Variants in FAM110B observed in about 807,000 individuals in gnomAD.
FAM110B encodes the protein protein FAM110B.
FAM110B carries 6 observed loss-of-function variants against 20.4 expected under a neutral mutation model. The observed-to-expected ratio is 0.29, with a 90% CI of 0.16 to 0.58. The LOEUF (loss-of-function observed/expected upper bound fraction) is 0.58. FAM110B is among the 20% of genes least tolerant of loss of function. FAM110B has a pLI of 0.90. For synonymous variants in FAM110B, 226 were observed against 214.1 expected (o/e 1.06, Z -0.49); for missense variants, 434 against 498.2 (o/e 0.87, Z 1.23).
intron 3 of FAM110B, among the ~76,000 whole-genome samples, chr8:58,118,469 G>GA (rs2150625103): frequency 6.6e-6 from 1 of 152,274 alleles, no homozygotes; most frequent in African/African-American, 2.4e-5. Context: ...TTGGGTCTGG[G>GA]TGCTTACCGG....
chr8:58,058,063 A>T (rs1239922580), intron 2 of FAM110B, among the ~76,000 whole-genome samples: 2 of 152,110 alleles, frequency 1.3e-5, no homozygotes, highest in Non-Finnish European at 2.9e-5. Context: ...TGGCTTTATT[A>T]TTGTTTTTTA....
At chr8:58,055,330 T>C (rs947310997) in intron 2 of FAM110B, among the ~76,000 whole-genome samples, 2 of 152,234 alleles carry the variant, frequency 1.3e-5, no homozygotes, top group Non-Finnish European at 2.9e-5. Flanking sequence ...GCTGAGGATC[T>C]GGTTTTAGCA....
intron 3 of FAM110B, among the ~76,000 whole-genome samples, chr8:58,122,525 C>A (rs1911506): frequency 9.2e-5 from 14 of 152,036 alleles, no homozygotes; most frequent in Non-Finnish European, 1.6e-4. Context: ...ATTTTACTTT[C>A]TAGGACACTT....
intron 3 of FAM110B, among the ~76,000 whole-genome samples, chr8:58,145,575 G>A (rs1803843362): frequency 6.6e-6 from 1 of 152,226 alleles, no homozygotes; most frequent in Non-Finnish European, 1.5e-5. Flanking sequence ...CGTTCATCAA[G>A]TATTTGCTGG....
chr8:58,029,792 A>T (rs1804930894), intron 1 of FAM110B, among the ~76,000 whole-genome samples: 1 of 152,142 alleles, frequency 6.6e-6, no homozygotes, highest in African/African-American at 2.4e-5. Context: ...CTGTGCTATG[A>T]GTTATTTGTA....
At chr8:58,099,919 C>T (rs1806735390) in intron 3 of FAM110B, among the ~76,000 whole-genome samples, 1 of 152,138 alleles carries the variant, frequency 6.6e-6, no homozygotes, top group African/African-American at 2.4e-5. Context: ...TCTCTTCAGT[C>T]TCTCCTTACC....
chr8:58,038,928 A>C (rs553940566), intron 2 of FAM110B, among the ~76,000 whole-genome samples: 4 of 152,328 alleles, frequency 2.6e-5, no homozygotes, highest in Admixed American at 2.6e-4. Context: ...TGGTTCCTTT[A>C]ACAAATGTAT....
chr8:58,053,526 G>A (rs996788832), intron 2 of FAM110B, among the ~76,000 whole-genome samples: 1 of 152,142 alleles, frequency 6.6e-6, no homozygotes, highest in African/African-American at 2.4e-5. Context: ...CATGTAGTTG[G>A]CTATTGGATA....
At chr8:58,012,259 AT>A (rs35474363) in intron 1 of FAM110B, among the ~76,000 whole-genome samples, 9 of 150,844 alleles carry the variant, frequency 6.0e-5, no homozygotes, top group Admixed American at 1.3e-4. Flanking sequence ...TGTTTTCCTG[AT>A]TTTTTTTTGT....
At chr8:58,099,769 T>C (rs78163829) in intron 3 of FAM110B, among the ~76,000 whole-genome samples, 7,483 of 152,188 alleles carry the variant, frequency 0.049, 591 homozygotes, top group African/African-American at 0.16. Flanking sequence ...CCTATGTCTT[T>C]TTTAGGTATT....
At chr8:58,127,047 A>G (rs76224199) in intron 3 of FAM110B, among the ~76,000 whole-genome samples, 1 of 152,146 alleles carries the variant, frequency 6.6e-6, no homozygotes, top group South Asian at 2.1e-4. Context: ...AGTTGACTCT[A>G]TGATTTTGAG....
intron 2 of FAM110B, among the ~76,000 whole-genome samples, chr8:58,046,866 G>A (rs577066057): frequency 1.3e-5 from 2 of 152,336 alleles, no homozygotes; most frequent in South Asian, 4.1e-4. Context: ...CTATAGTGCA[G>A]TTGAATGTGC....
At chr8:58,039,624 A>G (rs1339994789) in intron 2 of FAM110B, among the ~76,000 whole-genome samples, 2 of 152,218 alleles carry the variant, frequency 1.3e-5, no homozygotes, top group Non-Finnish European at 2.9e-5. Flanking sequence ...TCTATGGGAC[A>G]GTGGGAAGTA....
rs142852835 is a variant in FAM110B at position 58,020,213 on chromosome 8, C to T, written c.-511-11393C>T. On this transcript the variant is annotated intron_variant, in intron 1 of 3. Transcript: ENST00000519262. ...ATTAGATTTTTTTATTTGCTGTAAA[C>T]GCCTTAATATATTTGACGTAGTTGT... 4.1e-3 allele frequency among the ~76,000 whole-genome samples: 630 copies of T among 152,052 alleles called. 2 individuals carry two copies. The highest frequency in any genetic ancestry group is 0.014 in the African/African-American group (573 of 41,500).
intron 2 of FAM110B, among the ~76,000 whole-genome samples, chr8:58,064,013 G>A (rs1231700582): frequency 6.6e-6 from 1 of 152,218 alleles, no homozygotes; most frequent in African/African-American, 2.4e-5. Context: ...AAGGCAAAGG[G>A]AAGCAGGCAC....
intron 1 of FAM110B, among the ~76,000 whole-genome samples, chr8:58,023,631 A>G (rs1040554720): frequency 1.3e-5 from 2 of 152,164 alleles, no homozygotes; most frequent in Non-Finnish European, 2.9e-5. Flanking sequence ...TGGGGATCTA[A>G]ATAGTAGTCC....
intron 3 of FAM110B, among the ~76,000 whole-genome samples, chr8:58,134,026 G>T (rs1165714829): frequency 2.6e-5 from 4 of 152,230 alleles, no homozygotes; most frequent in Non-Finnish European, 5.9e-5. Flanking sequence ...CTGGAAAGAT[G>T]AAAATATGTG....
chr8:58,029,099 G>C lies in FAM110B; in HGVS notation c.-511-2507G>C, dbSNP rs544724903. ...ACTGTTGTTAATAAGCTGCTGACCT[G>C]GGTGACCCAAGTGCTCTGCAGTGAT... On this transcript the variant is annotated intron_variant, in intron 1 of 3. Transcript: ENST00000519262. Among the ~76,000 whole-genome samples the C allele has an allele frequency of 5.9e-5, 9 of 152,296 alleles. No homozygotes were observed. In the South Asian group the frequency reaches 1.9e-3, roughly 32 times the overall value.
intron 3 of FAM110B, among the ~76,000 whole-genome samples, chr8:58,116,668 C>A (rs1563375831): frequency 6.6e-6 from 1 of 152,040 alleles, no homozygotes; most frequent in Non-Finnish European, 1.5e-5. Flanking sequence ...GTGGAATAAG[C>A]CTATTTTGAA....
Sources: allele counts gnomAD v4.1 joint callset (sites outside exome capture counted in the v4.1 genomes callset), GRCh38; gene constraint gnomAD v4.1.1; transcripts MANE v1.5; gene names NCBI Gene and HGNC (gene_info 2026-07-23, HGNC 2026-07-21).